Variants in NRG1 observed in about 807,000 individuals in gnomAD.
NRG1 encodes the protein neuregulin 1.
Under a neutral mutation model 63.8 loss-of-function variants are expected in NRG1, and 18 were observed. That is an observed-to-expected ratio of 0.28 (90% CI 0.19 to 0.42). The LOEUF is 0.42. NRG1 is among the 10% of genes least tolerant of loss of function. The probability of loss-of-function intolerance (pLI) is 1.00; values close to 1 mark genes in which losing one functional copy is unlikely to be tolerated. For synonymous variants in NRG1, 302 were observed against 301.3 expected (o/e 1.00, Z -0.02); for missense variants, 762 against 814.7 (o/e 0.94, Z 0.79).
chr8:32,254,893 T>C (rs2881544), intron 1 of NRG1, among the ~76,000 whole-genome samples: 103,250 of 151,952 alleles, frequency 0.68, 35,507 homozygotes, highest in Admixed American at 0.77. Flanking sequence ...TATTTGGATG[T>C]GTATATATTT....
intron 5 of NRG1, among the ~76,000 whole-genome samples, chr8:32,690,300 G>T (rs1811242310): frequency 1.3e-5 from 2 of 152,106 alleles, no homozygotes; most frequent in East Asian, 3.9e-4. Flanking sequence ...TGGTCCCATG[G>T]TCTACTTATC....
intron 1 of NRG1, among the ~76,000 whole-genome samples, chr8:32,187,351 G>A (rs1181112820): frequency 2.0e-5 from 3 of 152,094 alleles, no homozygotes; most frequent in Admixed American, 6.5e-5. Context: ...AAATGTTACC[G>A]GGGACCTGAG....
At chr8:31,974,595 C>T (rs1586189458) in intron 1 of NRG1, among the ~76,000 whole-genome samples, 1 of 152,136 alleles carries the variant, frequency 6.6e-6, no homozygotes, top group South Asian at 2.1e-4. Context: ...CTATTCTATG[C>T]CAGGCACTAC....
At chr8:32,242,261 G>A (rs185687620) in intron 1 of NRG1, among the ~76,000 whole-genome samples, 151 of 152,196 alleles carry the variant, frequency 9.9e-4, no homozygotes, top group Admixed American at 2.9e-3. Context: ...GGATCATGAG[G>A]TCAGGAGTTC....
intron 5 of NRG1, among the ~76,000 whole-genome samples, chr8:32,680,846 G>A (rs1808416460): frequency 6.6e-6 from 1 of 151,760 alleles, no homozygotes; most frequent in African/African-American, 2.4e-5. Context: ...CAAGCATCCA[G>A]TATATTTAGT....
chr8:32,509,275 A>C (rs1219438262), intron 1 of NRG1, among the ~76,000 whole-genome samples: 1 of 150,536 alleles, frequency 6.6e-6, no homozygotes, highest in Non-Finnish European at 1.5e-5. Flanking sequence ...GTATTTTTTC[A>C]TAGAGATGAG....
chr8:32,178,161 T>G (rs73675848), intron 1 of NRG1, among the ~76,000 whole-genome samples: 5,001 of 152,058 alleles, frequency 0.033, 124 homozygotes, highest in African/African-American at 0.062. Flanking sequence ...CAAAATAAAT[T>G]TTGTGGAATG....
chr8:31,867,518 G>C lies in NRG1; in HGVS notation c.37+228087G>C, dbSNP rs117988118. Reference sequence around the variant, plus strand: ...CTGTCATGAGTGGTTTAATCTGCATGTTTATAATTATAGCATATAAAGCCA... The same window carrying C: ...CTGTCATGAGTGGTTTAATCTGCATCTTTATAATTATAGCATATAAAGCCA... On this transcript the variant is annotated intron_variant, in intron 1 of 10. Transcript: ENST00000519301. 5.0e-3 allele frequency among the ~76,000 whole-genome samples: 768 copies of C among 152,174 alleles called. 2 individuals are homozygous for C. Among genetic ancestry groups the C allele is most frequent in the Middle Eastern group, 0.024 (7 of 294 alleles).
At chr8:31,904,923 T>C (rs533728444) in intron 1 of NRG1, among the ~76,000 whole-genome samples, 7 of 152,228 alleles carry the variant, frequency 4.6e-5, no homozygotes, top group South Asian at 2.1e-4. Flanking sequence ...ATACTATGCT[T>C]ATCAACTGGG....
chr8:31,656,302 T>G (rs1254438291), intron 1 of NRG1, among the ~76,000 whole-genome samples: 1 of 152,124 alleles, frequency 6.6e-6, no homozygotes, highest in Non-Finnish European at 1.5e-5. Context: ...AACATCCTGA[T>G]GGAAGAGGAG....
intron 1 of NRG1, among the ~76,000 whole-genome samples, chr8:32,010,260 C>A (rs771423000): frequency 3.3e-5 from 5 of 151,968 alleles, no homozygotes; most frequent in Non-Finnish European, 7.4e-5. Flanking sequence ...CATGCAGTAT[C>A]CTAAAAGAAA....
intron 1 of NRG1, among the ~76,000 whole-genome samples, chr8:32,200,872 C>T (rs958991556): frequency 6.6e-6 from 1 of 152,142 alleles, no homozygotes; most frequent in Non-Finnish European, 1.5e-5. Flanking sequence ...GGGGTAAAAT[C>T]TCCATTCTCG....
At chr8:32,099,812 C>T (rs1282427760) in intron 1 of NRG1, 1 of 152,142 alleles carries the variant, frequency 6.6e-6, no homozygotes, top group Non-Finnish European at 1.5e-5. Context: ...CTTAGCAGAA[C>T]TGATAAAAAG....
At chr8:32,589,323 C>A (rs1490029387) in intron 1 of NRG1, among the ~76,000 whole-genome samples, 1 of 152,158 alleles carries the variant, frequency 6.6e-6, no homozygotes, top group Non-Finnish European at 1.5e-5. Flanking sequence ...AGTAATTTAT[C>A]TACTTCTAAC....
At chr8:32,429,306 A>G (rs183482989) in intron 1 of NRG1, among the ~76,000 whole-genome samples, 67 of 152,296 alleles carry the variant, frequency 4.4e-4, no homozygotes, top group African/African-American at 1.5e-3. Flanking sequence ...AAATTGACCA[A>G]AGTTTGAAGG....
At chr8:32,367,437 T>A (rs1808221387) in intron 1 of NRG1, among the ~76,000 whole-genome samples, 1 of 152,052 alleles carries the variant, frequency 6.6e-6, no homozygotes, top group Non-Finnish European at 1.5e-5. Context: ...TGCTAGCCAA[T>A]TGTATGTATT....
intron 6 of NRG1, among the ~76,000 whole-genome samples, chr8:32,731,789 C>T (rs562178004): frequency 6.6e-6 from 1 of 152,174 alleles, no homozygotes; most frequent in Non-Finnish European, 1.5e-5. Flanking sequence ...TGCATTGGCT[C>T]ATCATGGTCC....
downstream of NRG1, among the ~76,000 whole-genome samples, chr8:32,770,078 C>T (rs1017142744): frequency 6.6e-6 from 1 of 152,176 alleles, no homozygotes; most frequent in Middle Eastern, 3.4e-3. Context: ...TTCAAATGAA[C>T]TTATTGGAAC....
At chr8:32,449,240 T>A (rs1383170966) in intron 1 of NRG1, among the ~76,000 whole-genome samples, 1 of 152,002 alleles carries the variant, frequency 6.6e-6, no homozygotes, top group Non-Finnish European at 1.5e-5. Flanking sequence ...AGGGCTGCAA[T>A]GAGATGTGAG....
Sources: gnomAD v4.1 joint callset for allele counts (sites outside exome capture counted in the v4.1 genomes callset) on GRCh38, gnomAD v4.1.1 for gene constraint, MANE v1.5 for transcripts, NCBI Gene and HGNC (gene_info 2026-07-23, HGNC 2026-07-21) for gene names.